ANAPC1: variants seen among roughly 807,000 people sequenced by gnomAD.
The protein encoded by ANAPC1 is anaphase-promoting complex subunit 1.
In ANAPC1, 36 loss-of-function variants were observed where a neutral mutation model predicts 208.0. The observed-to-expected ratio is 0.17, with a 90% CI of 0.13 to 0.23. The LOEUF (loss-of-function observed/expected upper bound fraction) is 0.23. Ranked by LOEUF, ANAPC1 falls within the 10% of genes least tolerant of loss-of-function variation. The probability of loss-of-function intolerance (pLI) is 1.00; values close to 1 mark genes in which losing one functional copy is unlikely to be tolerated. For synonymous variants in ANAPC1, 378 were observed against 695.2 expected (o/e 0.54, Z 7.18); for missense variants, 942 against 2,011.6 (o/e 0.47, Z 10.17).
intron 38 of ANAPC1, among the ~76,000 whole-genome samples, chr2:111,789,210 T>C (rs1233652129): frequency 1.3e-5 from 2 of 152,116 alleles, no homozygotes; most frequent in Non-Finnish European, 2.9e-5. Flanking sequence ...CTCACCAATA[T>C]GATACACTTT....
At chr2:111,808,100 G>A (rs1014808864) in intron 29 of ANAPC1, among the ~76,000 whole-genome samples, 1 of 147,862 alleles carries the variant, frequency 6.8e-6, no homozygotes, top group African/African-American at 2.5e-5. Context: ...GTCCCAGAAT[G>A]AGGCAGGTGA....
chr2:111,850,436 C>G (rs1048002097), intron 14 of ANAPC1, among the ~76,000 whole-genome samples: 15 of 152,132 alleles, frequency 9.9e-5, no homozygotes, highest in African/African-American at 3.6e-4. Flanking sequence ...CGGATGTTAT[C>G]TTCCCATCAG....
chr2:111,824,120 G>A (rs1241322518), intron 24 of ANAPC1, among the ~76,000 whole-genome samples: 1 of 148,444 alleles, frequency 6.7e-6, no homozygotes, highest in Admixed American at 6.8e-5. Context: ...CCTTATATGA[G>A]AATAACACTT....
chr2:111,874,408 C>G (rs1034855445), intron 3 of ANAPC1, among the ~76,000 whole-genome samples: 1 of 151,998 alleles, frequency 6.6e-6, no homozygotes, highest in African/African-American at 2.4e-5. Flanking sequence ...ACAGAAACTC[C>G]GTGCCCATTA....
intron 40 of ANAPC1, 105 bp from the exon 41 acceptor site, chr2:111,784,505 C>T: frequency 6.9e-7 from 1 of 1,439,344 alleles, no homozygotes; most frequent in Non-Finnish European, 9.7e-7. Context: ...GCAGTTCATA[C>T]AGAGACCTTT....
intron 1 of ANAPC1, among the ~76,000 whole-genome samples, chr2:111,882,674 T>C (rs1177811293): frequency 2.0e-5 from 3 of 150,150 alleles, no homozygotes; most frequent in Non-Finnish European, 4.4e-5. Context: ...GAGGCAGAGG[T>C]TGCAGTGAGC....
intron 16 of ANAPC1, among the ~76,000 whole-genome samples, chr2:111,845,608 T>C (rs1681010437): frequency 6.6e-6 from 1 of 152,168 alleles, no homozygotes; most frequent in South Asian, 2.1e-4. Flanking sequence ...TTTAATTTAT[T>C]CCATTATTAT....
At position 111,859,751 on chromosome 2, in the gene ANAPC1, C is replaced by A. The variant is rs186870814; in HGVS notation, c.1263-1350G>T. Among the ~76,000 whole-genome samples the A allele has an allele frequency of 7.7e-4, 118 of 152,312 alleles. 2 individuals carry two copies. In the East Asian group the frequency reaches 0.015, roughly 19 times the overall value. On this transcript the variant is annotated intron_variant, in intron 10 of 47. Transcript: ENST00000341068. Reference sequence around the variant, plus strand: ...AAAACGAGGCTCTAAGGCTTGAGCTCAACCTCCTGCCTTACATATCTGATC... The same window carrying A: ...AAAACGAGGCTCTAAGGCTTGAGCTAAACCTCCTGCCTTACATATCTGATC...
Position 111,768,519 on chromosome 2 carries a change from T to C in ANAPC1, c.*772A>G, listed in dbSNP as rs1245100655. The C allele has an allele frequency of 6.6e-6, 1 of 150,724 alleles. No homozygotes were observed. The highest frequency in any genetic ancestry group is 1.5e-5 in the Non-Finnish European group (1 of 67,958). 9.3% of individuals were successfully genotyped at this position (150,724 alleles called of 1,614,324 possible). A position where few individuals can be genotyped will look rare whatever the true frequency, so the allele number is the denominator to read the frequency against. Reference sequence around the variant, plus strand: ...AGTCTGTTCCTGATAAGGGCTCTTCTTGGCTTGCAGACGGCCGACTCCTCA... The same window carrying C: ...AGTCTGTTCCTGATAAGGGCTCTTCCTGGCTTGCAGACGGCCGACTCCTCA... On this transcript the variant is annotated 3_prime_UTR_variant, in exon 48 of 48. Transcript: ENST00000341068.
chr2:111,865,006 T>C, intron 7 of ANAPC1, 55 bp from the exon 8 acceptor site: 5 of 1,535,188 alleles, frequency 3.3e-6, no homozygotes, highest in Non-Finnish European at 3.5e-6. Context: ...ACAAGACTGA[T>C]ATTTATGAAC....
intron 17 of ANAPC1, among the ~76,000 whole-genome samples, chr2:111,840,621 CA>C (rs1297341943): frequency 1.5e-4 from 23 of 152,196 alleles, no homozygotes; most frequent in Non-Finnish European, 3.1e-4. Flanking sequence ...CAATGATACA[CA>C]AAACTACAGA....
intron 29 of ANAPC1, among the ~76,000 whole-genome samples, chr2:111,807,613 A>G (rs866710054): frequency 2.8e-3 from 410 of 148,442 alleles, no homozygotes; most frequent in African/African-American, 0.01. Flanking sequence ...AATGGCGTGA[A>G]CCCGGGAGGC....
intron 27 of ANAPC1, among the ~76,000 whole-genome samples, chr2:111,816,531 A>T (rs1325690991): frequency 7.3e-5 from 11 of 150,346 alleles, no homozygotes; most frequent in Non-Finnish European, 1.6e-4. Flanking sequence ...AATGTAAATT[A>T]TATGTTCACA....
chr2:111,841,442 T>C (rs1252171093), intron 17 of ANAPC1, among the ~76,000 whole-genome samples: 1 of 127,132 alleles, frequency 7.9e-6, no homozygotes, highest in African/African-American at 2.8e-5. Context: ...CAGGCAGCAC[T>C]GAGGTGACAT....
intron 18 of ANAPC1, among the ~76,000 whole-genome samples, chr2:111,838,085 C>CAAAAAAAAA (rs57089465): frequency 9.7e-6 from 1 of 103,510 alleles, no homozygotes; most frequent in Non-Finnish European, 2.1e-5. Context: ...TACTCCGTCT[C>CAAAAAAAAA]AAAAAAAAAA....
intron 21 of ANAPC1, among the ~76,000 whole-genome samples, chr2:111,830,311 T>A (rs1680066421): frequency 6.6e-6 from 1 of 152,090 alleles, no homozygotes. Context: ...AAAACAGTGC[T>A]GAAAGAACTG....
chr2:111,839,488 A>T (rs980815798), intron 17 of ANAPC1, among the ~76,000 whole-genome samples: 5 of 152,180 alleles, frequency 3.3e-5, no homozygotes, highest in Admixed American at 6.5e-5. Flanking sequence ...GGCAATGGCT[A>T]TTTTCCTATG....
At chr2:111,790,582 T>G (rs561480845) in intron 38 of ANAPC1, among the ~76,000 whole-genome samples, 1 of 151,984 alleles carries the variant, frequency 6.6e-6, no homozygotes, top group Non-Finnish European at 1.5e-5. Context: ...AGATTTTAGA[T>G]TCAAATGTGA....
chr2:111,844,124 G>A (rs1311772714), intron 16 of ANAPC1, among the ~76,000 whole-genome samples: 2 of 151,936 alleles, frequency 1.3e-5, no homozygotes, highest in Admixed American at 6.6e-5. Flanking sequence ...GCCCGGCCAA[G>A]GACAGCTTTT....
Sources: allele counts gnomAD v4.1 joint callset (sites outside exome capture counted in the v4.1 genomes callset), GRCh38; gene constraint gnomAD v4.1.1; transcripts MANE v1.5; gene names NCBI Gene and HGNC (gene_info 2026-07-23, HGNC 2026-07-21).